GSK3B: variants seen among roughly 807,000 people sequenced by gnomAD.
The protein encoded by GSK3B is glycogen synthase kinase 3 beta.
GSK3B carries 15 observed loss-of-function variants against 56.4 expected under a neutral mutation model. The ratio of observed to expected loss-of-function variants is 0.27; its 90% CI spans 0.18 to 0.41. GSK3B has a LOEUF of 0.41. GSK3B is among the 10% of genes least tolerant of loss of function. The pLI is 1.00. For synonymous variants in GSK3B, 181 were observed against 188.9 expected (o/e 0.96, Z 0.34); for missense variants, 300 against 513.4 (o/e 0.58, Z 4.02).
chr3:119,922,486 A>G (rs979476038), intron 4 of GSK3B, among the ~76,000 whole-genome samples: 1 of 148,126 alleles, frequency 6.8e-6, no homozygotes, highest in African/African-American at 2.5e-5. Flanking sequence ...TCCTTGCCAA[A>G]GTAATCTAGC....
chr3:119,861,313 C>A, intron 9 of GSK3B, among the ~76,000 whole-genome samples: 1 of 152,074 alleles, frequency 6.6e-6, no homozygotes, highest in East Asian at 1.9e-4. Flanking sequence ...GAGTTTAAAA[C>A]CAGCCTGGCC....
chr3:120,093,757 T>C lies in GSK3B; in HGVS notation c.-323A>G. The stretch of plus-strand genomic sequence containing the variant: ...AAATCCTAAAAAAATATGTATCACG[T>C]GAAACGGGGGCAAATACTTGATTGA... On this transcript the variant is annotated 5_prime_UTR_variant, in exon 1 of 11. Coordinates refer to ENST00000264235, the MANE Select transcript of GSK3B (RefSeq NM_001146156.2). 1 of 290,178 alleles carries C rather than the reference T, an allele frequency of 3.4e-6. No homozygotes were observed. Among genetic ancestry groups the C allele is most frequent in the Non-Finnish European group, 6.5e-6 (1 of 154,748 alleles). The allele number at this position is 290,178 out of a possible 1,614,324, so 18.0% of individuals were successfully genotyped here. A position where few individuals can be genotyped will look rare whatever the true frequency, so the allele number is the denominator to read the frequency against.
chr3:119,882,994 T>A (rs181275244), intron 7 of GSK3B, among the ~76,000 whole-genome samples: 232 of 152,266 alleles, frequency 1.5e-3, no homozygotes, highest in Middle Eastern at 3.4e-3. Context: ...TAAATTATTT[T>A]AAAAAGCAAT....
chr3:119,890,305 A>C (rs1576177835), intron 7 of GSK3B, among the ~76,000 whole-genome samples: 1 of 152,252 alleles, frequency 6.6e-6, no homozygotes, highest in East Asian at 1.9e-4. Flanking sequence ...ACTTAGCATA[A>C]AAAGGAATAA....
At chr3:119,888,150 C>T (rs1159659757) in intron 7 of GSK3B, among the ~76,000 whole-genome samples, 1 of 152,024 alleles carries the variant, frequency 6.6e-6, no homozygotes, top group Non-Finnish European at 1.5e-5. Flanking sequence ...ATAGAGAGCA[C>T]CAAAAATGGT....
At chr3:119,888,202 A>T (rs1247600634) in intron 7 of GSK3B, among the ~76,000 whole-genome samples, 2 of 152,150 alleles carry the variant, frequency 1.3e-5, no homozygotes, top group Non-Finnish European at 2.9e-5. Flanking sequence ...CTCATTAAAA[A>T]ATTCCTCTTG....
At position 119,963,625 on chromosome 3, in the gene GSK3B, C is replaced by CAAAAA. The variant is rs774359104; in HGVS notation, c.283-16279_283-16275dup. On this transcript the variant is annotated intron_variant, in intron 2 of 10. Transcript: ENST00000264235. ...AGAGTAGAGACTGTCTTCTTCCCCA[C>CAAAAA]AAAAAAAAAAAAAAAAAAAGAAAGA... Among the ~76,000 whole-genome samples the CAAAAA allele has an allele frequency of 1.8e-3, 140 of 77,100 alleles. 2 individuals carry two copies. Among genetic ancestry groups the CAAAAA allele is most frequent in the Middle Eastern group, 8.9e-3 (1 of 112 alleles). 50.6% of individuals were successfully genotyped at this position (77,100 alleles called of 152,430 possible).
intron 9 of GSK3B, among the ~76,000 whole-genome samples, chr3:119,862,316 T>C (rs561175543): frequency 2.1e-4 from 27 of 126,766 alleles, no homozygotes; most frequent in Middle Eastern, 4.1e-3. Flanking sequence ...TAGGTGGGAA[T>C]TGAACAATGA....
chr3:120,009,626 T>C (rs1329638608), intron 1 of GSK3B, among the ~76,000 whole-genome samples: 8 of 151,430 alleles, frequency 5.3e-5, no homozygotes, highest in Non-Finnish European at 1.5e-5. Flanking sequence ...CACTCATAAG[T>C]GGGAGTTGAA....
chr3:119,961,317 T>C (rs904670965), intron 2 of GSK3B, among the ~76,000 whole-genome samples: 1 of 152,108 alleles, frequency 6.6e-6, no homozygotes, highest in Non-Finnish European at 1.5e-5. Context: ...TTCCTCATTG[T>C]TGGTGCATTA....
At chr3:119,947,449 G>A (rs1179558594) in intron 2 of GSK3B, 98 bp from the exon 3 acceptor site, 1 of 763,718 alleles carries the variant, frequency 1.3e-6, no homozygotes, top group East Asian at 2.6e-5. Context: ...ACTAAAATTA[G>A]CAAGCTATAG....
At chr3:120,034,591 C>T (rs1181858254) in intron 1 of GSK3B, among the ~76,000 whole-genome samples, 2 of 152,084 alleles carry the variant, frequency 1.3e-5, no homozygotes, top group Admixed American at 6.5e-5. Flanking sequence ...TATATCCAAG[C>T]GCCACACCGT....
intron 9 of GSK3B, among the ~76,000 whole-genome samples, chr3:119,861,758 T>C (rs1577322002): frequency 2.0e-5 from 3 of 152,186 alleles, no homozygotes; most frequent in South Asian, 2.1e-4. Flanking sequence ...CTCAAAATGA[T>C]AGCACTTTCA....
chr3:119,952,972 T>C (rs1313885158), intron 2 of GSK3B, among the ~76,000 whole-genome samples: 1 of 152,154 alleles, frequency 6.6e-6, no homozygotes, highest in Non-Finnish European at 1.5e-5. Flanking sequence ...TATATTTTTA[T>C]TTCCTCTTAA....
chr3:119,853,040 G>A (rs1200606241), intron 9 of GSK3B, among the ~76,000 whole-genome samples: 1 of 152,104 alleles, frequency 6.6e-6, no homozygotes, highest in Admixed American at 6.6e-5. Context: ...TTCCTTCTAG[G>A]GTTTTCATGG....
intron 8 of GSK3B, among the ~76,000 whole-genome samples, chr3:119,865,988 T>A (rs1181383872): frequency 6.6e-6 from 1 of 152,182 alleles, no homozygotes; most frequent in Non-Finnish European, 1.5e-5. Flanking sequence ...ACACTGTCAT[T>A]TTAAACCCTT....
At chr3:119,972,795 T>C (rs2057379516) in intron 2 of GSK3B, among the ~76,000 whole-genome samples, 2 of 152,174 alleles carry the variant, frequency 1.3e-5, no homozygotes, top group African/African-American at 4.8e-5. Flanking sequence ...CTTTTTGCAA[T>C]TGTAGGACCT....
At chr3:120,033,932 T>A (rs1237358350) in intron 1 of GSK3B, among the ~76,000 whole-genome samples, 1 of 152,220 alleles carries the variant, frequency 6.6e-6, no homozygotes, top group Non-Finnish European at 1.5e-5. Flanking sequence ...CCTCTTTTCT[T>A]CATAAATTAC....
chr3:119,990,929 C>T (rs1415670789), intron 2 of GSK3B, among the ~76,000 whole-genome samples: 1 of 151,626 alleles, frequency 6.6e-6, no homozygotes, highest in African/African-American at 2.4e-5. Context: ...ATTCTGTCTC[C>T]AATAAATAAA....
Sources: allele counts gnomAD v4.1 joint callset (sites outside exome capture counted in the v4.1 genomes callset), GRCh38; gene constraint gnomAD v4.1.1; transcripts MANE v1.5; gene names NCBI Gene and HGNC (gene_info 2026-07-23, HGNC 2026-07-21).